PEBP1: variants seen among roughly 807,000 people sequenced by gnomAD.
PEBP1 encodes the protein phosphatidylethanolamine-binding protein 1.
In PEBP1, 17 loss-of-function variants were observed where a neutral mutation model predicts 22.7. That is an observed-to-expected ratio of 0.75 (90% CI 0.51 to 1.12). The LOEUF (loss-of-function observed/expected upper bound fraction) is 1.12, where lower values mean the gene tolerates loss of function less well. Ranked by LOEUF, PEBP1 falls within the 50% of genes most tolerant of loss-of-function variation. The pLI, the probability that PEBP1 is intolerant of heterozygous loss-of-function variation, is 0.00. For missense variants in PEBP1, 205 were observed against 243.5 expected (o/e 0.84, Z 1.05); for synonymous variants, 106 against 104.3 (o/e 1.02, Z -0.10).
chr12:118,140,286 T>A (rs1312633489), intron 3 of PEBP1, among the ~76,000 whole-genome samples: 1 of 152,148 alleles, frequency 6.6e-6, no homozygotes, highest in African/African-American at 2.4e-5. Flanking sequence ...TTGTACAGCT[T>A]ATCCAGCCAG....
At position 118,136,299 on chromosome 12, in the gene PEBP1, CG is replaced by C. The variant is rs2034057446; in HGVS notation, c.94del (p.Ala32ArgfsTer10). 3 of 1,546,170 alleles carry C rather than the reference CG, an allele frequency of 1.9e-6. No homozygotes were observed. Among genetic ancestry groups the C allele is most frequent in the Non-Finnish European group, 2.6e-6 (3 of 1,146,568 alleles). Reference sequence around the variant, plus strand: ...AGCACCCGCTGCATGTCACCTACGCCGGGGCGGCGGTGGACGAGCTGGGCAA... The same window carrying C: ...AGCACCCGCTGCATGTCACCTACGCCGGGCGGCGGTGGACGAGCTGGGCAA... Reference protein sequence around the residue: ...PQHPLHVTYAGAAVDELGKVL... With the variant: ...PQHPLHVTYAXAAVDELGKVL... On this transcript the variant is annotated frameshift_variant, in exon 1 of 4. Coordinates refer to ENST00000261313, the MANE Select transcript of PEBP1 (RefSeq NM_002567.4). LOFTEE classifies it high-confidence loss of function. The surrounding 1 kb of genome is among the most constrained non-coding windows in gnomAD (Gnocchi z 5.6).
intron 2 of PEBP1, among the ~76,000 whole-genome samples, chr12:118,138,673 G>C (rs780888506): frequency 2.6e-5 from 4 of 152,134 alleles, no homozygotes; most frequent in Admixed American, 6.5e-5. Flanking sequence ...TGGGATTACA[G>C]GTGTGAGCCA....
rs758933960 is a variant in PEBP1 at position 118,138,007 on chromosome 12, C to CT, written c.136-26dup. On this transcript the variant is annotated intron_variant, in intron 1 of 3. Transcript: ENST00000261313. ...CAGCCAGTTTCTTCAGCATTTCTGA[C>CT]TTTTTTACTGCAAACTGGTTCCTTC... The CT allele has an allele frequency of 2.7e-4, 416 of 1,513,130 alleles. 2 individuals carry two copies. The highest frequency in any genetic ancestry group is 1.9e-4 in the Middle Eastern group (1 of 5,390). The allele number at this position is 1,513,130 out of a possible 1,614,324, so 93.7% of individuals were successfully genotyped here. A position where few individuals can be genotyped will look rare whatever the true frequency, so the allele number is the denominator to read the frequency against.
intron 3 of PEBP1, among the ~76,000 whole-genome samples, chr12:118,140,276 T>C (rs1376917498): frequency 2.0e-5 from 3 of 152,160 alleles, no homozygotes; most frequent in Non-Finnish European, 4.4e-5. Flanking sequence ...TCCTAGCTTT[T>C]TGTACAGCTT....
At chr12:118,144,174 A>T (rs531537093) in intron 3 of PEBP1, among the ~76,000 whole-genome samples, 113 of 151,976 alleles carry the variant, frequency 7.4e-4, no homozygotes, top group Non-Finnish European at 1.4e-3. Flanking sequence ...CAGAAGTGAA[A>T]TGGGTGTTCT....
At chr12:118,140,718 TTAG>T (rs1043781094) in intron 3 of PEBP1, among the ~76,000 whole-genome samples, 3 of 152,134 alleles carry the variant, frequency 2.0e-5, no homozygotes, top group Admixed American at 6.5e-5. Flanking sequence ...TTATGCATTT[TTAG>T]TAGAGACGGG....
chr12:118,145,459 C>A lies in PEBP1; in HGVS notation c.*656C>A, dbSNP rs1328093879. 6.3e-6 allele frequency: 1 copy of A among 158,316 alleles called. No homozygotes were observed. The highest frequency in any genetic ancestry group is 2.4e-5 in the African/African-American group (1 of 41,434). 9.8% of individuals were successfully genotyped at this position (158,316 alleles called of 1,614,324 possible). Reference sequence around the variant, plus strand: ...GCTCGCTGACAGCTTGGGAGGAAACCTGAGATCTGTGTTTTTTAAATTGAT... The same window carrying A: ...GCTCGCTGACAGCTTGGGAGGAAACATGAGATCTGTGTTTTTTAAATTGAT... On this transcript the variant is annotated 3_prime_UTR_variant, in exon 4 of 4. Coordinates refer to ENST00000261313, the MANE Select transcript of PEBP1 (RefSeq NM_002567.4).
At chr12:118,143,608 C>G (rs1378392953) in intron 3 of PEBP1, among the ~76,000 whole-genome samples, 2 of 152,070 alleles carry the variant, frequency 1.3e-5, no homozygotes, top group Non-Finnish European at 1.5e-5. Flanking sequence ...TAAAAAATAA[C>G]TTTGTTTCTG....
chr12:118,136,913 G>T lies in PEBP1; in HGVS notation c.135+569G>T, dbSNP rs1312337394. Among the ~76,000 whole-genome samples, 1 of 152,210 alleles carries T rather than the reference G, an allele frequency of 6.6e-6. No individual in the cohort carries two copies. Among genetic ancestry groups the T allele is most frequent in the Admixed American group, 6.5e-5 (1 of 15,274 alleles). On this transcript the variant is annotated intron_variant, in intron 1 of 3. Transcript: ENST00000261313. This position sits in a 1 kb window ranked among gnomAD's most constrained non-coding sequence, Gnocchi z 5.6. ...TTGGTCTTTGACCTCCCACGCCCAC[G>T]GCTGGGGCTGCCGAAAGTGAAGAAA...
chr12:118,139,168 C>T, intron 2 of PEBP1: 2 of 330,464 alleles, frequency 6.1e-6, no homozygotes, highest in Non-Finnish European at 5.9e-6. Context: ...CGAAAATTAG[C>T]CAGGCATGAT....
At chr12:118,142,677 A>G (rs752555233) in intron 3 of PEBP1, among the ~76,000 whole-genome samples, 31 of 151,786 alleles carry the variant, frequency 2.0e-4, no homozygotes, top group Non-Finnish European at 3.7e-4. Context: ...GGGTTTCACC[A>G]TCTTGGCCAA....
rs534530135 is a variant in PEBP1, at chr12:118,136,651, C to T, written c.135+307C>T. 1.3e-3 allele frequency among the ~76,000 whole-genome samples: 195 copies of T among 152,344 alleles called. 1 individual carries two copies. The highest frequency in any genetic ancestry group is 4.5e-3 in the African/African-American group (186 of 41,586). ...AACAGGCCGGATCCCCCTCTCCCCC[C>T]ACAGGCCAGGGCGCTGGAGAGGGAC... is the stretch of plus-strand genomic sequence containing the variant. On this transcript the variant is annotated intron_variant, in intron 1 of 3. Coordinates refer to ENST00000261313, the MANE Select transcript of PEBP1 (RefSeq NM_002567.4). This position sits in a 1 kb window ranked among gnomAD's most constrained non-coding sequence, Gnocchi z 5.6.
chr12:118,143,518 C>T (rs2138088694), intron 3 of PEBP1, among the ~76,000 whole-genome samples: 1 of 152,318 alleles, frequency 6.6e-6, no homozygotes, highest in South Asian at 2.1e-4. Context: ...CATCAGTGGA[C>T]AGTCGGGTTG....
rs569949596 is a variant in PEBP1, at chr12:118,136,467, GC to G, written c.135+130del. ...GGAGGTTCAGCCTGCGTGTGTCGAG[GC>G]CCCCCCAGGCCAGAGGTCCCGGGGT... On this transcript the variant is annotated intron_variant, in intron 1 of 3. Transcript: ENST00000261313. This position sits in a 1 kb window ranked among gnomAD's most constrained non-coding sequence, Gnocchi z 5.6. The G allele has an allele frequency of 4.7e-5, 55 of 1,180,342 alleles. No individual in the cohort carries two copies. The highest frequency in any genetic ancestry group is 1.9e-4 in the South Asian group (12 of 61,882). The allele number at this position is 1,180,342 out of a possible 1,614,324, so 73.1% of individuals were successfully genotyped here.
At position 118,144,842 on chromosome 12, in the gene PEBP1, A is replaced by G; in HGVS notation, c.*39A>G. On this transcript the variant is annotated 3_prime_UTR_variant, in exon 4 of 4. Coordinates refer to ENST00000261313, the MANE Select transcript of PEBP1 (RefSeq NM_002567.4). The stretch of plus-strand genomic sequence containing the variant: ...GGACCTGAACTGTCCTGGAGGCCCC[A>G]AGCCATGTTCCCCAGTTCAGTGTTG... 6.2e-7 allele frequency: 1 copy of G among 1,612,648 alleles called. No individual in the cohort carries two copies. Among genetic ancestry groups the G allele is most frequent in the Non-Finnish European group, 8.5e-7 (1 of 1,179,940 alleles).
At chr12:118,142,174 C>CTTT (rs897008585) in intron 3 of PEBP1, among the ~76,000 whole-genome samples, 9 of 125,454 alleles carry the variant, frequency 7.2e-5, no homozygotes, top group Non-Finnish European at 1.2e-4. Flanking sequence ...GCCATGCATT[C>CTTT]TTTTTTTTTT....
Position 118,136,952 on chromosome 12 carries a change from C to T in PEBP1, c.135+608C>T, listed in dbSNP as rs1238676979. 6.6e-6 allele frequency among the ~76,000 whole-genome samples: 1 copy of T among 152,194 alleles called. No homozygotes were observed. Among genetic ancestry groups the T allele is most frequent in the East Asian group, 1.9e-4 (1 of 5,198 alleles). On this transcript the variant is annotated intron_variant, in intron 1 of 3. Coordinates refer to ENST00000261313, the MANE Select transcript of PEBP1 (RefSeq NM_002567.4). This position sits in a 1 kb window ranked among gnomAD's most constrained non-coding sequence, Gnocchi z 5.6. Reference sequence around the variant, plus strand: ...AAAGTGAAGAAACTAGATTTGCAGACGCCACTGCTAGTTGGTTATGAAGCT... The same window carrying T: ...AAAGTGAAGAAACTAGATTTGCAGATGCCACTGCTAGTTGGTTATGAAGCT...
In PEBP1 at chr12:118,144,916, A is replaced by T; in HGVS notation, c.*113A>T. ...TCCTGCCCCCCTTGGCATGGGTGAG[A>T]CCTGACCAGTCAGATGGTAGTTGAG... On this transcript the variant is annotated 3_prime_UTR_variant, in exon 4 of 4. Transcript: ENST00000261313. 6.4e-7 allele frequency: 1 copy of T among 1,569,708 alleles called. No homozygotes were observed.
At chr12:118,139,291 GACAGAGTGAGACTCTGTCTCA>G (rs2034093967) in intron 2 of PEBP1, among the ~76,000 whole-genome samples, 139 bp from the exon 3 acceptor site, 1 of 144,954 alleles carries the variant, frequency 6.9e-6, no homozygotes, top group Non-Finnish European at 1.5e-5. Flanking sequence ...CAGCCTGGGT[GACAGAGTGAGACTCTGTCTCA>G]AAAAAAAAAA....
Sources: gnomAD v4.1 joint callset for allele counts (sites outside exome capture counted in the v4.1 genomes callset) on GRCh38, gnomAD v4.1.1 for gene constraint, Gnocchi (gnomAD v3.1) non-coding constraint, MANE v1.5 for transcripts, NCBI Gene and HGNC (gene_info 2026-07-23, HGNC 2026-07-21) for gene names.